FBH1: variants seen among roughly 807,000 people sequenced by gnomAD.
FBH1 encodes the protein F-box DNA helicase 1.
A neutral mutation model predicts 115.5 loss-of-function variants in FBH1; 43 were observed. The ratio of observed to expected loss-of-function variants is 0.37; its 90% CI spans 0.29 to 0.48. The LOEUF (loss-of-function observed/expected upper bound fraction) is 0.48, where lower values mean the gene tolerates loss of function less well. Ranked by LOEUF, FBH1 falls within the 20% of genes least tolerant of loss-of-function variation. The pLI, the probability that FBH1 is intolerant of heterozygous loss-of-function variation, is 0.99. For synonymous variants in FBH1, 524 were observed against 507.8 expected, an observed-to-expected ratio of 1.03 and a Z score of -0.43; for missense variants, 1,001 against 1,337.3, an observed-to-expected ratio of 0.75 and a Z score of 3.92.
chr10:5,917,321 C>T lies in FBH1; in HGVS notation c.1789-99C>T. ...CTGCGGTCCCCCTTCTGTGAGGATG[C>T]CCTGGCTCCACTGCTGTATGGGAGT... On this transcript the variant is annotated intron_variant, in intron 10 of 20. Coordinates refer to ENST00000362091, the MANE Select transcript of FBH1 (RefSeq NM_178150.3). This position sits in a 1 kb window ranked among gnomAD's most constrained non-coding sequence, Gnocchi z 5.6. The T allele has an allele frequency of 2.1e-6, 2 of 957,302 alleles. No homozygotes were observed. The highest frequency in any genetic ancestry group is 1.7e-6 in the Non-Finnish European group (1 of 605,692). 59.3% of individuals were successfully genotyped at this position (957,302 alleles called of 1,614,324 possible). A position where few individuals can be genotyped will look rare whatever the true frequency, so the allele number is the denominator to read the frequency against.
In FBH1 at chr10:5,907,321, CTT is replaced by C. The variant is rs375307288; in HGVS notation, c.753+690_753+691del. 6.5e-3 allele frequency among the ~76,000 whole-genome samples: 992 copies of C among 152,234 alleles called. 10 individuals are homozygous for C. Among genetic ancestry groups the C allele is most frequent in the African/African-American group, 0.023 (952 of 41,536 alleles). ...AGCATTTATAGCAATAAACCCCTCT[CTT>C]AAAACAGCCCAACAGCATTCATTGC... is the stretch of plus-strand genomic sequence containing the variant. On this transcript the variant is annotated intron_variant, in intron 3 of 20. Coordinates refer to ENST00000362091, the MANE Select transcript of FBH1 (RefSeq NM_178150.3).
In FBH1 at chr10:5,895,185, A is replaced by G; in HGVS notation, c.1+4839A>G. 1 of 1,612,222 alleles carries G rather than the reference A, an allele frequency of 6.2e-7. No homozygotes were observed. Among genetic ancestry groups the G allele is most frequent in the South Asian group, 1.1e-5 (1 of 90,954 alleles). ...TTGCTGGTCTTCACAGAGCACGCTG[A>G]AAGTAAGAGGCATGTGGGAAACTGA... is the stretch of plus-strand genomic sequence containing the variant. On this transcript the variant is annotated intron_variant, in intron 1 of 20. Transcript: ENST00000362091. The surrounding 1 kb of genome is among the most constrained non-coding windows in gnomAD (Gnocchi z 5.0).
intron 19 of FBH1, chr10:5,929,537 A>T: frequency 6.6e-6 from 1 of 152,344 alleles, no homozygotes; most frequent in African/African-American, 2.4e-5. Flanking sequence ...ATCTTTAGCC[A>T]CTAAAGCACA....
In FBH1 at chr10:5,932,063, C is replaced by T. The variant is rs577787606; in HGVS notation, c.2830-4393C>T. On this transcript the variant is annotated intron_variant, in intron 19 of 20. Coordinates refer to ENST00000362091, the MANE Select transcript of FBH1 (RefSeq NM_178150.3). The surrounding 1 kb of genome is among the most constrained non-coding windows in gnomAD (Gnocchi z 5.9). Reference sequence around the variant, plus strand: ...TTAGGAGGCTGAGGTGGGAGAATCGCGTGAACCCAGGAGGCGGAGATTGCA... The same window carrying T: ...TTAGGAGGCTGAGGTGGGAGAATCGTGTGAACCCAGGAGGCGGAGATTGCA... Among the ~76,000 whole-genome samples, 40 of 152,170 alleles carry T rather than the reference C, an allele frequency of 2.6e-4. No homozygotes were observed. Among genetic ancestry groups the T allele is most frequent in the Non-Finnish European group, 5.0e-4 (34 of 68,028 alleles).
At position 5,936,517 on chromosome 10, in the gene FBH1, G is replaced by A; in HGVS notation, c.2891G>A (p.Cys964Tyr). ...NVLKTGVVRC[C>Y]VGQCNNAIPV... The stretch of plus-strand genomic sequence containing the variant: ...TTAAAAACAGGCGTGGTGCGCTGCT[G>A]CGTGGGACAGTGCAACAATGCCATC... The change falls in exon 20 of 21, where the codon TGC becomes TAC. Residue 964 changes from cysteine (C) to tyrosine (Y), a missense_variant. By Grantham distance (194) the Cys-to-Tyr change is radical (BLOSUM62 -2). Around this residue, in one of 4 missense-constraint regions of FBH1, gnomAD observed 521 missense variants for 811.0 expected, o/e 0.64. Transcript: ENST00000362091. This position sits in a 1 kb window ranked among gnomAD's most constrained non-coding sequence, Gnocchi z 5.6. 1.2e-6 allele frequency: 2 copies of A among 1,614,186 alleles called. No individual in the cohort carries two copies. Among genetic ancestry groups the A allele is most frequent in the Non-Finnish European group, 1.7e-6 (2 of 1,180,018 alleles).
chr10:5,916,851 A>G (rs1259284592), intron 10 of FBH1, among the ~76,000 whole-genome samples: 3 of 152,026 alleles, frequency 2.0e-5, no homozygotes, highest in Non-Finnish European at 4.4e-5. Flanking sequence ...ATTGTTGGGT[A>G]TTTTCTCCTG....
chr10:5,924,817 C>A lies in FBH1; in HGVS notation c.2596+309C>A. Reference sequence around the variant, plus strand: ...CCAACCTCAGGTAATCTGCCCACCTCGACCTCCCAAAGTGCTAGAATTACA... The same window carrying A: ...CCAACCTCAGGTAATCTGCCCACCTAGACCTCCCAAAGTGCTAGAATTACA... On this transcript the variant is annotated intron_variant, in intron 17 of 20. Coordinates refer to ENST00000362091, the MANE Select transcript of FBH1 (RefSeq NM_178150.3). The surrounding 1 kb of genome is among the most constrained non-coding windows in gnomAD (Gnocchi z 6.2). 1 of 474,852 alleles carries A rather than the reference C, an allele frequency of 2.1e-6. No individual in the cohort carries two copies. Among genetic ancestry groups the A allele is most frequent in the Non-Finnish European group, 4.1e-6 (1 of 242,700 alleles). 29.4% of individuals were successfully genotyped at this position (474,852 alleles called of 1,614,324 possible).
chr10:5,913,881 G>A lies in FBH1; in HGVS notation c.1304+42G>A, dbSNP rs368381530. Reference sequence around the variant, plus strand: ...GTCAGCGTGTGTTTTGTCTTCTGTCGACTCTTCCTCATACTTAAGGAGGGA... The same window carrying A: ...GTCAGCGTGTGTTTTGTCTTCTGTCAACTCTTCCTCATACTTAAGGAGGGA... On this transcript the variant is annotated intron_variant, in intron 7 of 20. Transcript: ENST00000362091. This position sits in a 1 kb window ranked among gnomAD's most constrained non-coding sequence, Gnocchi z 4.4. 1.2e-4 allele frequency: 169 copies of A among 1,435,818 alleles called. No individual in the cohort carries two copies. Among genetic ancestry groups the A allele is most frequent in the Non-Finnish European group, 1.6e-4 (161 of 1,035,792 alleles). 88.9% of individuals were successfully genotyped at this position (1,435,818 alleles called of 1,614,324 possible). A position where few individuals can be genotyped will look rare whatever the true frequency, so the allele number is the denominator to read the frequency against.
At chr10:5,922,856 T>C (rs1401082196) in intron 15 of FBH1, among the ~76,000 whole-genome samples, 1 of 152,176 alleles carries the variant, frequency 6.6e-6, no homozygotes, top group Non-Finnish European at 1.5e-5. Flanking sequence ...CCTGTTAAAA[T>C]GTAGAATAAT....
chr10:5,928,154 T>G (rs918871376), intron 19 of FBH1, among the ~76,000 whole-genome samples: 1 of 150,278 alleles, frequency 6.7e-6, no homozygotes, highest in Non-Finnish European at 1.5e-5. Context: ...AGTTCTTTTT[T>G]TTTTTTTTTG....
intron 1 of FBH1, among the ~76,000 whole-genome samples, chr10:5,899,676 C>T (rs1442633447): frequency 6.6e-6 from 1 of 152,156 alleles, no homozygotes; most frequent in African/African-American, 2.4e-5. Context: ...GTGTGGGGCA[C>T]CTCACCCAGG....
intron 19 of FBH1, chr10:5,929,664 G>A (rs974020772): frequency 6.6e-6 from 1 of 152,220 alleles, no homozygotes; most frequent in Admixed American, 6.5e-5. Context: ...GAGAGCCCCT[G>A]TTGACAGTAC....
rs1477052072 is a variant in FBH1, at chr10:5,933,798, A to G, written c.2830-2658A>G. ...GCTGGTAGTACAGGTGTACACCACC[A>G]TACCTGGCTAATTTTTTTTGGTATT... On this transcript the variant is annotated intron_variant, in intron 19 of 20. Transcript: ENST00000362091. This position sits in a 1 kb window ranked among gnomAD's most constrained non-coding sequence, Gnocchi z 4.9. 1.3e-5 allele frequency among the ~76,000 whole-genome samples: 2 copies of G among 151,740 alleles called. No homozygotes were observed. The highest frequency in any genetic ancestry group is 4.9e-5 in the African/African-American group (2 of 41,128).
intron 1 of FBH1, among the ~76,000 whole-genome samples, chr10:5,901,896 A>T (rs187279235): frequency 4.7e-4 from 72 of 152,300 alleles, no homozygotes; most frequent in African/African-American, 1.6e-3. Context: ...GTATCTTTAC[A>T]TTTTAGTGTT....
chr10:5,921,201 A>G lies in FBH1; in HGVS notation c.2101-57A>G. The G allele has an allele frequency of 1.3e-6, 2 of 1,540,386 alleles. No individual in the cohort carries two copies. The highest frequency in any genetic ancestry group is 1.8e-6 in the Non-Finnish European group (2 of 1,116,838). ...GCCAGGCTGTGGCAGCAGTGATGGA[A>G]ATGCACGGACACACCACAGGGCGGG... On this transcript the variant is annotated intron_variant, in intron 13 of 20. Transcript: ENST00000362091. The surrounding 1 kb of genome is among the most constrained non-coding windows in gnomAD (Gnocchi z 6.4).
rs146742156 is a variant in FBH1, at chr10:5,903,145, C to T, written c.127C>T (p.Pro43Ser). The change falls in exon 2 of 21, where the codon CCT (proline) becomes TCT (serine). Residue 43 changes from proline to serine, a missense_variant. Transcript: ENST00000362091. ...CAGAGATCCGAACCATGGTCTCTAT[C>T]CTAAACCGAGAACAAAAAGAGGGAG... ...TNRDPNHGLY[P>S]KPRTKRGSRG... 29 of 1,612,752 alleles carry T rather than the reference C, an allele frequency of 1.8e-5. No homozygotes were observed. The highest frequency in any genetic ancestry group is 2.3e-5 in the Non-Finnish European group (27 of 1,179,444).
In FBH1 at chr10:5,909,166, G is replaced by A; in HGVS notation, c.892G>A (p.Ala298Thr). 6.2e-7 allele frequency: 1 copy of A among 1,613,646 alleles called. No homozygotes were observed. Among genetic ancestry groups the A allele is most frequent in the Non-Finnish European group, 8.5e-7 (1 of 1,180,006 alleles). The change falls in exon 5 of 21, where the codon GCC becomes ACC. Residue 298 changes from alanine to threonine, a missense_variant. Ala to Thr is a moderately conservative substitution (Grantham distance 58). This residue lies in a region of FBH1 where 420 missense variants were observed against 430.4 expected (regional missense o/e 0.98). Transcript: ENST00000362091. This position sits in a 1 kb window ranked among gnomAD's most constrained non-coding sequence, Gnocchi z 4.4. ...CCTGTGAATGTCTTACAGATACACA[G>A]CCACCACTAAGTGCTCTCCGAGTGT... ...LCVLNLIRYT[A>T]TTKCSPSVDP...
At position 5,923,184 on chromosome 10, in the gene FBH1, G is replaced by GTAGT. The variant is rs1462453337; in HGVS notation, c.2323-435_2323-432dup. Among the ~76,000 whole-genome samples the GTAGT allele has an allele frequency of 3.3e-5, 5 of 152,182 alleles. No homozygotes were observed. Among genetic ancestry groups the GTAGT allele is most frequent in the Non-Finnish European group, 7.3e-5 (5 of 68,032 alleles). On this transcript the variant is annotated intron_variant, in intron 15 of 20. Coordinates refer to ENST00000362091, the MANE Select transcript of FBH1 (RefSeq NM_178150.3). The surrounding 1 kb of genome is among the most constrained non-coding windows in gnomAD (Gnocchi z 5.7). The stretch of plus-strand genomic sequence containing the variant: ...AGGCATGAGCCACTGCGCCTGGCCT[G>GTAGT]TAGTTCTTTTCTCACAAGAAACAGT...
Position 5,923,897 on chromosome 10 carries a change from C to T in FBH1, c.2398+201C>T. On this transcript the variant is annotated intron_variant, in intron 16 of 20. Coordinates refer to ENST00000362091, the MANE Select transcript of FBH1 (RefSeq NM_178150.3). This position sits in a 1 kb window ranked among gnomAD's most constrained non-coding sequence, Gnocchi z 5.7. ...GACAGATTTTTCCAGATCCTCCTCA[C>T]AGGAGCCTCAGTCTCTTTCCAACAC... 2 of 591,674 alleles carry T rather than the reference C, an allele frequency of 3.4e-6. No homozygotes were observed. Among genetic ancestry groups the T allele is most frequent in the Non-Finnish European group, 6.0e-6 (2 of 335,042 alleles). The allele number at this position is 591,674 out of a possible 1,614,324, so 36.7% of individuals were successfully genotyped here.
Sources: allele counts gnomAD v4.1 joint callset (sites outside exome capture counted in the v4.1 genomes callset), GRCh38; gene constraint gnomAD v4.1.1; regional missense constraint gnomAD v4.1.1; non-coding constraint Gnocchi (gnomAD v3.1); transcripts MANE v1.5; gene names NCBI Gene and HGNC (gene_info 2026-07-23, HGNC 2026-07-21).